The following PEAR1 variants were observed in gnomAD, a reference collection of about 807,000 sequenced individuals.
The protein encoded by PEAR1 is multiple EGF-like domains protein 12.
PEAR1 carries 113 observed loss-of-function variants against 131.2 expected under a neutral mutation model. That is an observed-to-expected ratio of 0.86 (90% CI 0.74 to 1.01). The LOEUF is 1.01. PEAR1 is among the 50% of genes least tolerant of loss of function. The pLI is 0.00. For missense variants in PEAR1, 1,408 were observed against 1,391.1 expected, an observed-to-expected ratio of 1.01 and a Z score of -0.19; for synonymous variants, 565 against 523.3, an observed-to-expected ratio of 1.08 and a Z score of -1.09.
At chr1:156,898,728 A>G (rs902928420) in intron 1 of PEAR1, among the ~76,000 whole-genome samples, 3 of 152,204 alleles carry the variant, frequency 2.0e-5, no homozygotes, top group African/African-American at 7.2e-5. Flanking sequence ...GGGCAAGACA[A>G]CCTTAGCACC....
At chr1:156,913,047 G>A in intron 18 of PEAR1, 65 bp downstream of exon 18, 1 of 1,595,340 alleles carries the variant, frequency 6.3e-7, no homozygotes, top group Non-Finnish European at 8.6e-7. Flanking sequence ...AGTGGATGCT[G>A]GGCATGACCC....
chr1:156,913,558 T>C (rs1004698213), intron 20 of PEAR1, 35 bp downstream of exon 20: 1 of 1,608,420 alleles, frequency 6.2e-7, no homozygotes, highest in Non-Finnish European at 8.5e-7. Flanking sequence ...CTGGCGCGGG[T>C]GGATGTGTGC....
At chr1:156,905,663 C>T (rs1481067173) in intron 4 of PEAR1, among the ~76,000 whole-genome samples, 2 of 152,154 alleles carry the variant, frequency 1.3e-5, no homozygotes, top group African/African-American at 2.4e-5. Flanking sequence ...CCCCATCTCT[C>T]CATGTCCCTC....
chr1:156,910,870 G>C (rs1211060579), intron 15 of PEAR1, 127 bp downstream of exon 15: 2 of 1,338,114 alleles, frequency 1.5e-6, no homozygotes, highest in Non-Finnish European at 2.0e-6. Context: ...ATATTTACTG[G>C]GCACCACCTA....
At position 156,915,778 on chromosome 1, in the gene PEAR1, T is replaced by C. The variant is rs968265766; in HGVS notation, c.*980T>C. 8.5e-5 allele frequency: 13 copies of C among 152,382 alleles called. No individual in the cohort carries two copies. Among genetic ancestry groups the C allele is most frequent in the Non-Finnish European group, 1.6e-4 (11 of 68,052 alleles). The allele number at this position is 152,382 out of a possible 1,614,324, so 9.4% of individuals were successfully genotyped here. On this transcript the variant is annotated 3_prime_UTR_variant, in exon 23 of 23. Transcript: ENST00000292357. ...AAGCTCCCTGAAGGCAAGAATCCTG[T>C]GCTTATGCTCAATATTAGCTCTCCC...
intron 3 of PEAR1, 132 bp from the exon 4 acceptor site, chr1:156,905,192 C>G (rs1260123631): frequency 9.0e-7 from 1 of 1,109,868 alleles, no homozygotes; most frequent in Non-Finnish European, 1.3e-6. Flanking sequence ...CAACCTCAAA[C>G]AGGGAATGCG....
At position 156,906,659 on chromosome 1, in the gene PEAR1, G is replaced by A. The variant is rs139217818; in HGVS notation, c.423G>A (p.Gly141=). 7.4e-6 allele frequency: 12 copies of A among 1,614,158 alleles called. No individual in the cohort carries two copies. The highest frequency in any genetic ancestry group is 4.0e-5 in the African/African-American group (3 of 75,040). Residue 141 remains glycine (G), a synonymous_variant, in exon 6 of 23, where the codon GGG becomes GGA. Coordinates refer to ENST00000292357, the MANE Select transcript of PEAR1 (RefSeq NM_001080471.3). ...CAGAGTGTGCCCCAGGAATGTGGGG[G>A]CCACAGTGTGACAAGCCCTGCAGCT... ...CSSECAPGMW[G]PQCDKPCSCG... is the part of the protein sequence containing the mutation.
At chr1:156,913,557 G>C (rs1260041749) in intron 20 of PEAR1, 34 bp downstream of exon 20, 5 of 1,608,984 alleles carry the variant, frequency 3.1e-6, no homozygotes, top group South Asian at 1.1e-5. Context: ...TCTGGCGCGG[G>C]TGGATGTGTG....
At chr1:156,906,551 G>C (rs1210152743) in intron 5 of PEAR1, 86 bp from the exon 6 acceptor site, 1 of 1,577,964 alleles carries the variant, frequency 6.3e-7, no homozygotes, top group Non-Finnish European at 8.6e-7. Flanking sequence ...GTGGGGGCTG[G>C]GAGACAGAGG....
In PEAR1 at chr1:156,912,539, A is replaced by C. The variant is rs199792419; in HGVS notation, c.2126A>C (p.Gln709Pro). The C allele has an allele frequency of 9.9e-5, 160 of 1,614,014 alleles. No homozygotes were observed. In the East Asian group the frequency reaches 3.4e-3, roughly 35 times the overall value. ...TFGANCSQPC[Q>P]CGPGEKCHPE... ...GGTGCTAACTGCTCCCAGCCATGCC[A>C]GTGTGGTCCTGGAGAAAAGTGCCAC... The change falls in exon 17 of 23, where the codon CAG becomes CCG. Residue 709 changes from glutamine (Q) to proline (P), a missense_variant. By Grantham distance (76) the Gln-to-Pro change is moderately conservative. Transcript: ENST00000292357.
At position 156,914,025 on chromosome 1, in the gene PEAR1, G is replaced by C. The variant is rs765264587; in HGVS notation, c.2887G>C (p.Asp963His). The change falls in exon 22 of 23, where the codon GAC (aspartate) becomes CAC (histidine). Residue 963 changes from aspartate to histidine, a missense_variant. Physicochemically the swap from Asp to His is moderately conservative, Grantham distance 81 (BLOSUM62 -1). Coordinates refer to ENST00000292357, the MANE Select transcript of PEAR1 (RefSeq NM_001080471.3). ...CCCCAGGCAGCCTCCTCAGTTCTGG[G>C]ACAGCCAGAGGCGGCGGCAACCCCA... is the stretch of plus-strand genomic sequence containing the variant. ...SPPRQPPQFW[D>H]SQRRRQPQPQ... 5.0e-6 allele frequency: 8 copies of C among 1,611,522 alleles called. No individual in the cohort carries two copies. Among genetic ancestry groups the C allele is most frequent in the Admixed American group, 1.7e-5 (1 of 59,724 alleles).
chr1:156,903,776 C>A lies in PEAR1; in HGVS notation c.-9-142C>A, dbSNP rs1309752245. 4 of 663,894 alleles carry A rather than the reference C, an allele frequency of 6.0e-6. No homozygotes were observed. The Admixed American group carries it at 7.2e-5, about 12-fold the overall frequency. 41.1% of individuals were successfully genotyped at this position (663,894 alleles called of 1,614,324 possible). On this transcript the variant is annotated intron_variant, in intron 1 of 22. Transcript: ENST00000292357. The stretch of plus-strand genomic sequence containing the variant: ...AGTTCAGGAGTGAGGTGTAGGGGAG[C>A]TGGAGCTCAGAGCAAGGGGCCAGAG...
At chr1:156,911,233 CTTTT>C (rs1314881273) in intron 15 of PEAR1, among the ~76,000 whole-genome samples, 1 of 105,542 alleles carries the variant, frequency 9.5e-6, no homozygotes, top group Non-Finnish European at 2.0e-5. Flanking sequence ...TTCTTTCTTT[CTTTT>C]CTTTCTTCTT....
chr1:156,905,320 G>A lies in PEAR1; in HGVS notation c.207-4G>A. Reference sequence around the variant, plus strand: ...GCTGAGGGCCGCCTTCCTGGCCTCCGCAGGGTTGTATACCGGACCGTGTAC... The same window carrying A: ...GCTGAGGGCCGCCTTCCTGGCCTCCACAGGGTTGTATACCGGACCGTGTAC... On this transcript the variant is annotated splice_region_variant and splice_polypyrimidine_tract_variant and intron_variant, in intron 3 of 22. Transcript: ENST00000292357. The A allele has an allele frequency of 1.2e-6, 2 of 1,610,600 alleles. No homozygotes were observed. The highest frequency in any genetic ancestry group is 1.7e-6 in the Non-Finnish European group (2 of 1,179,488).
At chr1:156,904,622 A>G in intron 2 of PEAR1, 126 bp from the exon 3 acceptor site, 1 of 952,862 alleles carries the variant, frequency 1.0e-6, no homozygotes, top group Non-Finnish European at 1.6e-6. Context: ...ATCCTAGGCT[A>G]CGAGAGCAGC....
intron 1 of PEAR1, among the ~76,000 whole-genome samples, chr1:156,898,204 G>A (rs928184006): frequency 2.6e-5 from 4 of 152,176 alleles, no homozygotes; most frequent in African/African-American, 4.8e-5. Context: ...GCGAGGGTTG[G>A]GACTGGCACT....
At chr1:156,910,460 GC>G in intron 14 of PEAR1, 80 bp downstream of exon 14, 3 of 1,537,526 alleles carry the variant, frequency 2.0e-6, no homozygotes, top group Non-Finnish European at 2.6e-6. Flanking sequence ...CCCTCCCCCC[GC>G]GCCCGCCGCC....
intron 15 of PEAR1, among the ~76,000 whole-genome samples, chr1:156,911,827 T>G (rs1280876315): frequency 6.6e-6 from 1 of 152,126 alleles, no homozygotes; most frequent in Non-Finnish European, 1.5e-5. Flanking sequence ...GGTGAAGAGT[T>G]TTTCCATAGA....
At chr1:156,899,167 T>C (rs1649440498) in intron 1 of PEAR1, among the ~76,000 whole-genome samples, 1 of 152,060 alleles carries the variant, frequency 6.6e-6, no homozygotes, top group Non-Finnish European at 1.5e-5. Context: ...GATGAGGAGA[T>C]GGAGGATCAG....
Sources: allele counts gnomAD v4.1 joint callset (sites outside exome capture counted in the v4.1 genomes callset), GRCh38; gene constraint gnomAD v4.1.1; transcripts MANE v1.5; gene names NCBI Gene and HGNC (gene_info 2026-07-23, HGNC 2026-07-21).